Variants in ZNF879 observed in about 807,000 individuals in gnomAD.
The protein encoded by ZNF879 is zinc finger protein 879.
Under a neutral mutation model 44.3 loss-of-function variants are expected in ZNF879, and 32 were observed. The ratio of observed to expected loss-of-function variants is 0.72; its 90% CI spans 0.54 to 0.97. ZNF879 has a LOEUF of 0.97. ZNF879 is among the 50% of genes least tolerant of loss of function. ZNF879 has a pLI of 0.00. For synonymous variants in ZNF879, 234 were observed against 233.2 expected, an observed-to-expected ratio of 1.00 and a Z score of -0.03; for missense variants, 621 against 669.7, an observed-to-expected ratio of 0.93 and a Z score of 0.80.
At position 179,034,815 on chromosome 5, in the gene ZNF879, C is replaced by T. The variant is rs952256447; in HGVS notation, c.*1175C>T. Reference sequence around the variant, plus strand: ...TGTTGGGCTTTACAGAGGCTAACATCTAGTTTAGCCAAGTTTATCAGGAGG... The same window carrying T: ...TGTTGGGCTTTACAGAGGCTAACATTTAGTTTAGCCAAGTTTATCAGGAGG... On this transcript the variant is annotated 3_prime_UTR_variant, in exon 5 of 5. Coordinates refer to ENST00000444149, the MANE Select transcript of ZNF879 (RefSeq NM_001136116.3). The T allele has an allele frequency of 6.6e-6, 1 of 152,154 alleles. No individual in the cohort carries two copies. Among genetic ancestry groups the T allele is most frequent in the African/African-American group, 2.4e-5 (1 of 41,444 alleles). 9.4% of individuals were successfully genotyped at this position (152,154 alleles called of 1,614,324 possible). A position where few individuals can be genotyped will look rare whatever the true frequency, so the allele number is the denominator to read the frequency against.
In ZNF879 at chr5:179,034,887, G is replaced by A. The variant is rs1761543918; in HGVS notation, c.*1247G>A. ...AACGACCCATTTCATAAAGTGCTAA[G>A]TTTTTCTGCCAAGGAACTTTAAAAA... On this transcript the variant is annotated 3_prime_UTR_variant, in exon 5 of 5. Coordinates refer to ENST00000444149, the MANE Select transcript of ZNF879 (RefSeq NM_001136116.3). The A allele has an allele frequency of 6.6e-6, 1 of 152,128 alleles. No homozygotes were observed. The highest frequency in any genetic ancestry group is 1.5e-5 in the Non-Finnish European group (1 of 68,018). The allele number at this position is 152,128 out of a possible 1,614,324, so 9.4% of individuals were successfully genotyped here.
At chr5:179,024,165 T>C (rs1463189110) in intron 1 of ZNF879, among the ~76,000 whole-genome samples, 4 of 152,176 alleles carry the variant, frequency 2.6e-5, no homozygotes, top group Admixed American at 6.5e-5. Context: ...GAACAGAAAC[T>C]GCAAAATGCC....
chr5:179,030,144 C>G (rs1007798559), intron 4 of ZNF879, among the ~76,000 whole-genome samples: 7 of 152,160 alleles, frequency 4.6e-5, no homozygotes, highest in Admixed American at 2.0e-4. Context: ...CAATGAAATT[C>G]CAACGAAGCA....
chr5:179,025,119 A>G, intron 2 of ZNF879, 82 bp downstream of exon 2: 1 of 1,463,280 alleles, frequency 6.8e-7, no homozygotes, highest in East Asian at 2.5e-5. Context: ...GAGCTTCTCT[A>G]CCCAGTGAAG....
chr5:179,025,069 C>T, intron 2 of ZNF879, 32 bp downstream of exon 2: 1 of 1,551,122 alleles, frequency 6.4e-7, no homozygotes, highest in Non-Finnish European at 8.7e-7. Flanking sequence ...CTTGAACTGC[C>T]TTCAGGGTCT....
At chr5:179,028,363 T>G (rs1470668959) in intron 4 of ZNF879, among the ~76,000 whole-genome samples, 1 of 152,252 alleles carries the variant, frequency 6.6e-6, no homozygotes, top group Non-Finnish European at 1.5e-5. Context: ...TAATACAGTA[T>G]ATCATGTGTA....
At position 179,033,603 on chromosome 5, in the gene ZNF879, G is replaced by A; in HGVS notation, c.1655G>A (p.Ser552Asn). 1 of 1,534,708 alleles carries A rather than the reference G, an allele frequency of 6.5e-7. No individual in the cohort carries two copies. Among genetic ancestry groups the A allele is most frequent in the Non-Finnish European group, 8.8e-7 (1 of 1,141,648 alleles). Residue 552 changes from serine (S) to asparagine (N), a missense_variant, in exon 5 of 5, where the codon AGC becomes AAC. Coordinates refer to ENST00000444149, the MANE Select transcript of ZNF879 (RefSeq NM_001136116.3). ...CKECGKAFSQ[S>N]SSLTNHQRTH... ...GAATGTGGGAAGGCTTTTAGTCAGA[G>A]CTCATCTCTTACTAATCATCAAAGG...
intron 4 of ZNF879, 107 bp downstream of exon 4, chr5:179,028,234 A>G (rs1761322987): frequency 1.0e-6 from 1 of 971,646 alleles, no homozygotes; most frequent in South Asian, 1.4e-5. Context: ...CCAGGGGGAA[A>G]TGCTGGGAAG....
chr5:179,033,850 G>A lies in ZNF879; in HGVS notation c.*210G>A. 2.4e-6 allele frequency: 1 copy of A among 419,788 alleles called. No individual in the cohort carries two copies. 26.0% of individuals were successfully genotyped at this position (419,788 alleles called of 1,614,324 possible). On this transcript the variant is annotated 3_prime_UTR_variant, in exon 5 of 5. Coordinates refer to ENST00000444149, the MANE Select transcript of ZNF879 (RefSeq NM_001136116.3). ...AAAATGTTTATTCATATGTTCTTAA[G>A]TTATTACCATGAAATGGAGAATTTT...
In ZNF879 at chr5:179,032,214, G is replaced by A; in HGVS notation, c.266G>A (p.Ser89Asn). The A allele has an allele frequency of 6.6e-7, 1 of 1,509,446 alleles. No homozygotes were observed. The highest frequency in any genetic ancestry group is 1.3e-5 in the South Asian group (1 of 76,186). 93.5% of individuals were successfully genotyped at this position (1,509,446 alleles called of 1,614,324 possible). The stretch of plus-strand genomic sequence containing the variant: ...GTTTTGTCTACTTTAGGATGGGAAA[G>A]CTTGTTTGGAACCATAGTTTCTAAA... ...VPQGAHLGWE[S>N]LFGTIVSKEE... The change falls in exon 5 of 5, where the codon AGC becomes AAC. Residue 89 changes from serine to asparagine, a missense_variant. Ser to Asn is a conservative substitution (Grantham distance 46, BLOSUM62 1). Coordinates refer to ENST00000444149, the MANE Select transcript of ZNF879 (RefSeq NM_001136116.3).
rs1011214040 is a variant in ZNF879, at chr5:179,033,128, C to G, written c.1180C>G (p.His394Asp). ...AGCCCTTATCATACATCAGAGAATTCACACTGGTGAGAAACCATATGCATG... is the reference window on the plus strand; with the variant it reads ...AGCCCTTATCATACATCAGAGAATTGACACTGGTGAGAAACCATATGCATG... Reference protein sequence around the residue: ...HSALIIHQRIHTGEKPYACKE... With the variant: ...HSALIIHQRIDTGEKPYACKE... The change falls in exon 5 of 5, where the codon CAC becomes GAC. Residue 394 changes from histidine (H) to aspartate (D), a missense_variant. Coordinates refer to ENST00000444149, the MANE Select transcript of ZNF879 (RefSeq NM_001136116.3). 1.9e-6 allele frequency: 3 copies of G among 1,583,850 alleles called. No individual in the cohort carries two copies. Among genetic ancestry groups the G allele is most frequent in the African/African-American group, 2.7e-5 (2 of 73,800 alleles).
chr5:179,028,953 A>G (rs7732931), intron 4 of ZNF879, among the ~76,000 whole-genome samples: 46,922 of 151,938 alleles, frequency 0.31, 8,505 homozygotes, highest in South Asian at 0.52. Context: ...CTGTCTTCAC[A>G]TTTTTCCCTT....
Position 179,032,861 on chromosome 5 carries a change from A to G in ZNF879, c.913A>G (p.Asn305Asp), listed in dbSNP as rs183514891. ...KTFKGSSSLNNHQRIHTGEKP... is the reference protein window; with the variant it reads ...KTFKGSSSLNDHQRIHTGEKP... Reference sequence around the variant, plus strand: ...ATTTAAAGGTAGTTCATCTCTTAATAATCACCAGCGAATTCACACAGGAGA... The same window carrying G: ...ATTTAAAGGTAGTTCATCTCTTAATGATCACCAGCGAATTCACACAGGAGA... Residue 305 changes from asparagine (N) to aspartate (D), a missense_variant, in exon 5 of 5, where the codon AAT becomes GAT. Coordinates refer to ENST00000444149, the MANE Select transcript of ZNF879 (RefSeq NM_001136116.3). The G allele has an allele frequency of 1.8e-5, 28 of 1,565,126 alleles. 1 individual carries two copies. In the East Asian group the frequency reaches 5.0e-4, roughly 28 times the overall value.
chr5:179,032,789 A>G lies in ZNF879; in HGVS notation c.841A>G (p.Met281Val). Residue 281 changes from methionine to valine, a missense_variant, in exon 5 of 5, where the codon ATG (methionine) becomes GTG (valine). By Grantham distance (21) the Met-to-Val change is conservative. Coordinates refer to ENST00000444149, the MANE Select transcript of ZNF879 (RefSeq NM_001136116.3). ...FTTSLIGHQR[M>V]HTGERPYKCK... Reference sequence around the variant, plus strand: ...CACATCTCTTATTGGACACCAGAGAATGCATACTGGAGAGAGACCTTATAA... The same window carrying G: ...CACATCTCTTATTGGACACCAGAGAGTGCATACTGGAGAGAGACCTTATAA... 1 of 1,554,368 alleles carries G rather than the reference A, an allele frequency of 6.4e-7. No homozygotes were observed. Among genetic ancestry groups the G allele is most frequent in the Non-Finnish European group, 8.7e-7 (1 of 1,148,652 alleles).
chr5:179,028,237 C>A, intron 4 of ZNF879, 110 bp downstream of exon 4: 1 of 935,136 alleles, frequency 1.1e-6, no homozygotes, highest in Non-Finnish European at 1.7e-6. Flanking sequence ...GGGGGAAATG[C>A]TGGGAAGGTA....
Position 179,033,917 on chromosome 5 carries a change from A to G in ZNF879, c.*277A>G, listed in dbSNP as rs1037393350. ...GTATTTGATTGTCTAGTGATGTACG[A>G]TAACAGCCACCAGCTTTCCTGAGCA... On this transcript the variant is annotated 3_prime_UTR_variant, in exon 5 of 5. Coordinates refer to ENST00000444149, the MANE Select transcript of ZNF879 (RefSeq NM_001136116.3). The G allele has an allele frequency of 4.0e-6, 1 of 250,786 alleles. No homozygotes were observed. The highest frequency in any genetic ancestry group is 7.6e-6 in the Non-Finnish European group (1 of 132,442). 15.5% of individuals were successfully genotyped at this position (250,786 alleles called of 1,614,324 possible).
Position 179,033,033 on chromosome 5 carries a change from A to G in ZNF879, c.1085A>G (p.His362Arg). The change falls in exon 5 of 5, where the codon CAC (histidine) becomes CGC (arginine). Residue 362 changes from histidine (H) to arginine (R), a missense_variant. Coordinates refer to ENST00000444149, the MANE Select transcript of ZNF879 (RefSeq NM_001136116.3). ...AFTSISRLSR[H>R]HRIHTGEKPF... is the part of the protein sequence containing the mutation. ...ACTTCAATATCGCGGCTAAGTAGGC[A>G]CCATCGAATTCATACTGGAGAGAAA... is the stretch of plus-strand genomic sequence containing the variant. 1 of 1,558,126 alleles carries G rather than the reference A, an allele frequency of 6.4e-7. No individual in the cohort carries two copies. The highest frequency in any genetic ancestry group is 2.4e-5 in the East Asian group (1 of 41,238).
intron 4 of ZNF879, among the ~76,000 whole-genome samples, chr5:179,030,446 A>G (rs1581101298): frequency 6.6e-6 from 1 of 152,228 alleles, no homozygotes; most frequent in East Asian, 1.9e-4. Flanking sequence ...TTAGTAAATG[A>G]TGATGTTTTC....
chr5:179,025,245 G>T (rs1284838385), intron 2 of ZNF879, among the ~76,000 whole-genome samples: 1 of 151,426 alleles, frequency 6.6e-6, no homozygotes, highest in Non-Finnish European at 1.5e-5. Context: ...TTTGAGACAG[G>T]GTCTCACTCT....
Sources: gnomAD v4.1 joint callset for allele counts (sites outside exome capture counted in the v4.1 genomes callset) on GRCh38, gnomAD v4.1.1 for gene constraint, MANE v1.5 for transcripts, NCBI Gene and HGNC (gene_info 2026-07-23, HGNC 2026-07-21) for gene names.